Variants in EPHA4 observed in about 807,000 individuals in gnomAD.
EPHA4 encodes the protein EPH receptor A4.
In EPHA4, 19 loss-of-function variants were observed where a neutral mutation model predicts 108.3. The ratio of observed to expected loss-of-function variants is 0.18; its 90% CI spans 0.12 to 0.26. EPHA4 has a LOEUF of 0.26. Among genes scored for constraint, EPHA4 ranks in the 10% least tolerant of loss-of-function variants. The pLI is 1.00. For synonymous variants in EPHA4, 449 were observed against 455.5 expected, an observed-to-expected ratio of 0.99 and a Z score of 0.18; for missense variants, 917 against 1,254.0, an observed-to-expected ratio of 0.73 and a Z score of 4.06.
chr2:221,526,542 TAA>T (rs140593891), intron 3 of EPHA4, among the ~76,000 whole-genome samples: 82,496 of 143,994 alleles, frequency 0.57, 23,627 homozygotes, highest in African/African-American at 0.71. Flanking sequence ...CAATCTAGTG[TAA>T]AAAAAAAAAA....
intron 3 of EPHA4, among the ~76,000 whole-genome samples, chr2:221,556,711 C>T (rs36107842): frequency 0.29 from 44,660 of 151,514 alleles, 6,958 homozygotes; most frequent in African/African-American, 0.38. Context: ...TTTTGCCTAC[C>T]GAAGGTACAG....
At chr2:221,572,019 T>C (rs1232015432) in intron 1 of EPHA4, 139 bp downstream of exon 1, 4 of 725,520 alleles carry the variant, frequency 5.5e-6, no homozygotes, top group Non-Finnish European at 9.4e-6. Context: ...TCCCCTCGCC[T>C]CAGCCCCCTT....
intron 4 of EPHA4, among the ~76,000 whole-genome samples, chr2:221,490,812 G>A (rs888627027): frequency 6.6e-6 from 1 of 152,202 alleles, no homozygotes; most frequent in Non-Finnish European, 1.5e-5. Flanking sequence ...ATTTGTATAT[G>A]TTGCCACCAC....
chr2:221,496,520 C>A (rs1692301044), intron 4 of EPHA4, among the ~76,000 whole-genome samples: 1 of 152,158 alleles, frequency 6.6e-6, no homozygotes, highest in Non-Finnish European at 1.5e-5. Context: ...CTATTATCAG[C>A]AAAGTATAGT....
intron 1 of EPHA4, 75 bp from the exon 2 acceptor site, chr2:221,568,860 C>A: frequency 2.3e-6 from 3 of 1,287,162 alleles, no homozygotes; most frequent in South Asian, 1.3e-5. Flanking sequence ...TTTGCCTGAG[C>A]GTTTCCATAT....
chr2:221,506,851 TA>T (rs542262359), intron 3 of EPHA4, among the ~76,000 whole-genome samples: 46 of 152,330 alleles, frequency 3.0e-4, no homozygotes, highest in African/African-American at 5.3e-4. Flanking sequence ...TTTTTACAAT[TA>T]TTTTTTTAGT....
At chr2:221,551,351 G>A (rs1222609954) in intron 3 of EPHA4, among the ~76,000 whole-genome samples, 4 of 152,094 alleles carry the variant, frequency 2.6e-5, no homozygotes, top group African/African-American at 9.7e-5. Flanking sequence ...AATGGGTTGT[G>A]TTTTCTAATC....
intron 14 of EPHA4, among the ~76,000 whole-genome samples, chr2:221,430,813 TA>T (rs962273574): frequency 1.7e-4 from 26 of 152,224 alleles, no homozygotes; most frequent in African/African-American, 5.1e-4. Flanking sequence ...AAAAAACAAT[TA>T]AAAAAATTCC....
At chr2:221,494,808 G>A (rs1382990946) in intron 4 of EPHA4, among the ~76,000 whole-genome samples, 1 of 151,938 alleles carries the variant, frequency 6.6e-6, no homozygotes. Flanking sequence ...GAAGGGGCAG[G>A]GAAACAAGGA....
intron 5 of EPHA4, among the ~76,000 whole-genome samples, chr2:221,479,075 A>C (rs530395799): frequency 6.6e-6 from 1 of 152,320 alleles, no homozygotes; most frequent in Non-Finnish European, 1.5e-5. Flanking sequence ...TCTACAATTA[A>C]ATGATCAAAG....
At chr2:221,430,270 A>G (rs1690034100) in intron 14 of EPHA4, 119 bp from the exon 15 acceptor site, 4 of 990,264 alleles carry the variant, frequency 4.0e-6, no homozygotes. Context: ...GCCTGGGAAC[A>G]GCTCCAACTC....
intron 17 of EPHA4, among the ~76,000 whole-genome samples, chr2:221,421,674 C>T (rs2106084107): frequency 6.6e-6 from 1 of 152,298 alleles, no homozygotes; most frequent in African/African-American, 2.4e-5. Context: ...AAGTAAGTTC[C>T]CTTCTTTCAT....
chr2:221,458,323 C>CAT (rs1255344461), intron 5 of EPHA4, among the ~76,000 whole-genome samples: 4 of 152,142 alleles, frequency 2.6e-5, no homozygotes, highest in African/African-American at 9.7e-5. Context: ...TTTTGTAAGC[C>CAT]ATAACAGCCT....
intron 3 of EPHA4, among the ~76,000 whole-genome samples, chr2:221,520,141 C>T (rs996041095): frequency 6.6e-6 from 1 of 152,030 alleles, no homozygotes; most frequent in Non-Finnish European, 1.5e-5. Flanking sequence ...ACTGTATATA[C>T]CACAGGATTC....
chr2:221,444,600 T>A (rs1447969721), intron 9 of EPHA4, among the ~76,000 whole-genome samples: 1 of 152,118 alleles, frequency 6.6e-6, no homozygotes, highest in Admixed American at 6.6e-5. Flanking sequence ...ATGTAAAAAT[T>A]TAAAAAACAT....
At chr2:221,459,929 A>T (rs1691088126) in intron 5 of EPHA4, among the ~76,000 whole-genome samples, 1 of 152,218 alleles carries the variant, frequency 6.6e-6, no homozygotes, top group African/African-American at 2.4e-5. Flanking sequence ...TCCTTGAGAA[A>T]GAATTGCCTG....
intron 3 of EPHA4, among the ~76,000 whole-genome samples, chr2:221,559,265 T>C (rs1277274454): frequency 6.6e-6 from 1 of 152,238 alleles, no homozygotes; most frequent in African/African-American, 2.4e-5. Context: ...TGTAATCATT[T>C]GGCCTTAAGA....
intron 1 of EPHA4, 75 bp from the exon 2 acceptor site, chr2:221,568,860 C>T (rs776958822): frequency 2.4e-5 from 31 of 1,287,044 alleles, no homozygotes; most frequent in Non-Finnish European, 3.2e-5. Flanking sequence ...TTTGCCTGAG[C>T]GTTTCCATAT....
intron 4 of EPHA4, among the ~76,000 whole-genome samples, chr2:221,492,170 A>G (rs1692164805): frequency 6.6e-6 from 1 of 152,090 alleles, no homozygotes; most frequent in Non-Finnish European, 1.5e-5. Context: ...ATGACAAGCC[A>G]CTCTTAATTA....
Sources: allele counts gnomAD v4.1 joint callset (sites outside exome capture counted in the v4.1 genomes callset), GRCh38; gene constraint gnomAD v4.1.1; transcripts MANE v1.5; gene names NCBI Gene and HGNC (gene_info 2026-07-23, HGNC 2026-07-21).